Variants in RIT2 observed in about 807,000 individuals in gnomAD.
The protein encoded by RIT2 is GTP-binding protein Rit2.
Under a neutral mutation model 23.7 loss-of-function variants are expected in RIT2, and 24 were observed. The observed-to-expected ratio is 1.01, with a 90% confidence interval of 0.73 to 1.43. The LOEUF (loss-of-function observed/expected upper bound fraction) is 1.43. RIT2 is among the 40% of genes most tolerant of loss of function. The pLI is 0.00. For synonymous variants in RIT2, 107 were observed against 91.1 expected (o/e 1.17, Z -0.99); for missense variants, 236 against 266.9 (o/e 0.88, Z 0.81).
intron 1 of RIT2, among the ~76,000 whole-genome samples, chr18:43,077,776 T>C (rs1459299370): frequency 1.3e-5 from 2 of 152,198 alleles, no homozygotes; most frequent in East Asian, 3.9e-4. Flanking sequence ...TCTATGCACA[T>C]TTACCTGTGT....
intron 1 of RIT2, among the ~76,000 whole-genome samples, chr18:43,083,413 T>C (rs1384629678): frequency 1.3e-5 from 2 of 152,068 alleles, no homozygotes; most frequent in South Asian, 4.1e-4. Context: ...AAAGAGCCCA[T>C]ATATCCAAGA....
At chr18:42,926,514 A>T (rs1323825848) in intron 3 of RIT2, among the ~76,000 whole-genome samples, 2 of 152,018 alleles carry the variant, frequency 1.3e-5, no homozygotes, top group Non-Finnish European at 2.9e-5. Context: ...AGAGTAAAGC[A>T]TTTGACTACT....
At position 43,109,806 on chromosome 18, in the gene RIT2, A is replaced by G. The variant is rs530124137; in HGVS notation, c.103+5611T>C. ...TGCTCAATGACTTGCATAGTGTTTC[A>G]TACATATTTCACATTTGAAGATGTA... On this transcript the variant is annotated intron_variant, in intron 1 of 4. Transcript: ENST00000326695. Among the ~76,000 whole-genome samples, 16 of 137,940 alleles carry G rather than the reference A, an allele frequency of 1.2e-4. No individual in the cohort carries two copies. The East Asian group carries it at 3.0e-3, about 26-fold the overall frequency. 90.5% of individuals were successfully genotyped at this position (137,940 alleles called of 152,430 possible). A position where few individuals can be genotyped will look rare whatever the true frequency, so the allele number is the denominator to read the frequency against.
chr18:42,891,989 G>A (rs1908191444), intron 4 of RIT2, among the ~76,000 whole-genome samples: 2 of 152,004 alleles, frequency 1.3e-5, no homozygotes, highest in Admixed American at 1.3e-4. Context: ...GTATGTGTGA[G>A]GGCAGGGGGT....
chr18:42,749,918 T>C (rs577556208), intron 4 of RIT2, among the ~76,000 whole-genome samples: 3 of 151,944 alleles, frequency 2.0e-5, no homozygotes, highest in Non-Finnish European at 4.4e-5. Context: ...AGTAACATTA[T>C]TCACAATAGC....
At chr18:42,949,230 C>T (rs1181793413) in intron 3 of RIT2, among the ~76,000 whole-genome samples, 1 of 152,018 alleles carries the variant, frequency 6.6e-6, no homozygotes, top group East Asian at 1.9e-4. Context: ...CCAATAATTC[C>T]CTATTGATGT....
chr18:42,974,623 G>A (rs1211449809), intron 2 of RIT2, among the ~76,000 whole-genome samples: 2 of 152,020 alleles, frequency 1.3e-5, no homozygotes, highest in East Asian at 1.9e-4. Context: ...TGGAAAACGA[G>A]TAAAATTATC....
At chr18:42,923,875 G>A in intron 3 of RIT2, 112 bp from the exon 4 acceptor site, 1 of 851,484 alleles carries the variant, frequency 1.2e-6, no homozygotes, top group East Asian at 2.8e-5. Context: ...TAAGAATATT[G>A]ATATTTAATC....
At chr18:42,989,994 T>C (rs1910802256) in intron 2 of RIT2, among the ~76,000 whole-genome samples, 1 of 138,402 alleles carries the variant, frequency 7.2e-6, no homozygotes, top group Non-Finnish European at 1.5e-5. Flanking sequence ...TATTACACGT[T>C]CTGTATTTAC....
chr18:42,924,503 G>C (rs1816776312), intron 3 of RIT2, among the ~76,000 whole-genome samples: 1 of 151,920 alleles, frequency 6.6e-6, no homozygotes, highest in South Asian at 2.1e-4. Flanking sequence ...TTACAATTTG[G>C]AAACTTCTTT....
At chr18:42,794,727 G>A (rs7239233) in intron 4 of RIT2, among the ~76,000 whole-genome samples, 49,501 of 152,068 alleles carry the variant, frequency 0.33, 10,782 homozygotes, top group African/African-American at 0.61. Context: ...TATGGTGCAC[G>A]TTTATTATAG....
At chr18:42,999,190 C>T (rs1280502309) in intron 2 of RIT2, among the ~76,000 whole-genome samples, 1 of 151,944 alleles carries the variant, frequency 6.6e-6, no homozygotes, top group Non-Finnish European at 1.5e-5. Flanking sequence ...CTTTATTTGC[C>T]TCTCAGGCTG....
intron 1 of RIT2, among the ~76,000 whole-genome samples, chr18:43,086,241 G>T (rs1212411336): frequency 6.6e-6 from 1 of 152,104 alleles, no homozygotes; most frequent in Non-Finnish European, 1.5e-5. Context: ...AGAGTTTGGA[G>T]CATTTTAGAT....
intron 1 of RIT2, among the ~76,000 whole-genome samples, chr18:43,084,959 C>G (rs938801477): frequency 1.3e-5 from 2 of 151,842 alleles, no homozygotes; most frequent in Admixed American, 1.3e-4. Flanking sequence ...GTAGCCTGCA[C>G]CATGGCCATG....
At chr18:42,960,446 C>T (rs150464504) in intron 3 of RIT2, among the ~76,000 whole-genome samples, 2 of 152,298 alleles carry the variant, frequency 1.3e-5, no homozygotes, top group East Asian at 3.9e-4. Flanking sequence ...TCCTGAGTAG[C>T]TGGGATTACA....
intron 2 of RIT2, among the ~76,000 whole-genome samples, chr18:43,024,950 G>C (rs1276078103): frequency 6.6e-6 from 1 of 151,994 alleles, no homozygotes; most frequent in Non-Finnish European, 1.5e-5. Context: ...GCTCATACCT[G>C]TAATCTCAGA....
chr18:42,821,263 A>T (rs1193953578), intron 4 of RIT2, among the ~76,000 whole-genome samples: 1 of 152,140 alleles, frequency 6.6e-6, no homozygotes, highest in Non-Finnish European at 1.5e-5. Flanking sequence ...TATAACAAAG[A>T]GGATTTGAGG....
chr18:42,989,604 T>C (rs1301596993), intron 2 of RIT2, among the ~76,000 whole-genome samples: 1 of 152,156 alleles, frequency 6.6e-6, no homozygotes, highest in Non-Finnish European at 1.5e-5. Context: ...ATATTACACT[T>C]AGAGAACGTG....
At chr18:43,061,312 T>A (rs993391741) in intron 1 of RIT2, among the ~76,000 whole-genome samples, 1 of 152,170 alleles carries the variant, frequency 6.6e-6, no homozygotes, top group African/African-American at 2.4e-5. Flanking sequence ...CATTTCTCAG[T>A]ATTTTCTAAA....
Sources: gnomAD v4.1 joint callset for allele counts (sites outside exome capture counted in the v4.1 genomes callset) on GRCh38, gnomAD v4.1.1 for gene constraint, MANE v1.5 for transcripts, NCBI Gene and HGNC (gene_info 2026-07-23, HGNC 2026-07-21) for gene names.